The following ZBTB24 variants were observed in gnomAD, a reference collection of about 807,000 sequenced individuals.
ZBTB24 encodes zinc finger and BTB domain-containing protein 24.
Under a neutral mutation model 53.8 loss-of-function variants are expected in ZBTB24, and 32 were observed. The observed-to-expected ratio is 0.60, with a 90% CI of 0.45 to 0.80. The LOEUF is 0.80. Among genes scored for constraint, ZBTB24 ranks in the 30% least tolerant of loss-of-function variants. ZBTB24 has a pLI of 0.00. For synonymous variants in ZBTB24, 297 were observed against 306.7 expected (o/e 0.97, Z 0.33); for missense variants, 722 against 837.1 (o/e 0.86, Z 1.70).
At chr6:109,473,481 T>C in intron 5 of ZBTB24, among the ~76,000 whole-genome samples, 1 of 152,174 alleles carries the variant, frequency 6.6e-6, no homozygotes, top group East Asian at 1.9e-4. Context: ...AGATGCCACC[T>C]CATCTGTGAG....
intron 5 of ZBTB24, among the ~76,000 whole-genome samples, chr6:109,469,464 T>C (rs905548543): frequency 2.6e-5 from 4 of 152,164 alleles, no homozygotes; most frequent in Non-Finnish European, 5.9e-5. Flanking sequence ...GTGGAAGCTC[T>C]TTGAGGGAGT....
rs1264153973 is a variant in ZBTB24 at position 109,463,740 on chromosome 6, AAG to A, written c.*2109_*2110del. 2.0e-5 allele frequency: 3 copies of A among 152,368 alleles called. No homozygotes were observed. Among genetic ancestry groups the A allele is most frequent in the South Asian group, 2.1e-4 (1 of 4,830 alleles). 9.4% of individuals were successfully genotyped at this position (152,368 alleles called of 1,614,324 possible). A position where few individuals can be genotyped will look rare whatever the true frequency, so the allele number is the denominator to read the frequency against. On this transcript the variant is annotated 3_prime_UTR_variant, in exon 7 of 7. Coordinates refer to ENST00000230122, the MANE Select transcript of ZBTB24 (RefSeq NM_014797.3). ...CAGATTTCGAAAGCTTAGTATGAAA[AAG>A]AGAATGTAAAATGTCTCACTAATAT... is the stretch of plus-strand genomic sequence containing the variant.
chr6:109,467,339 A>T (rs773596708), intron 6 of ZBTB24, among the ~76,000 whole-genome samples: 1 of 152,136 alleles, frequency 6.6e-6, no homozygotes, highest in Non-Finnish European at 1.5e-5. Flanking sequence ...CCTGGTCAAC[A>T]TGGTGAAATC....
chr6:109,468,362 C>T lies in ZBTB24; in HGVS notation c.1289-628G>A, dbSNP rs115746600. ...CAAATGTTCTGATGATTTCCCACCC[C>T]AGGATAAAACCCAAAGTTCTTGCCC... is the stretch of plus-strand genomic sequence containing the variant. On this transcript the variant is annotated intron_variant, in intron 5 of 6. Transcript: ENST00000230122. Among the ~76,000 whole-genome samples the T allele has an allele frequency of 7.6e-3, 1,151 of 152,076 alleles. 13 individuals are homozygous for T. The highest frequency in any genetic ancestry group is 0.026 in the African/African-American group (1,060 of 41,464).
chr6:109,474,804 T>G (rs1439737487), intron 5 of ZBTB24, among the ~76,000 whole-genome samples: 1 of 151,426 alleles, frequency 6.6e-6, no homozygotes, highest in African/African-American at 2.4e-5. Context: ...TTTGGGAGGC[T>G]CAGACAGGAA....
At position 109,475,377 on chromosome 6, in the gene ZBTB24, G is replaced by A. The variant is rs1776257961; in HGVS notation, c.1288+22C>T. 5 of 1,613,690 alleles carry A rather than the reference G, an allele frequency of 3.1e-6. No individual in the cohort carries two copies. The East Asian group carries it at 1.1e-4, about 36-fold the overall frequency. On this transcript the variant is annotated intron_variant, in intron 5 of 6. Transcript: ENST00000230122. ...CTGAAAACATCCCGTGTACTGGGGG[G>A]ACAGACGAGATGGAGTTTTACCTGT...
At chr6:109,469,058 T>C (rs1206891985) in intron 5 of ZBTB24, among the ~76,000 whole-genome samples, 2 of 151,848 alleles carry the variant, frequency 1.3e-5, no homozygotes, top group Admixed American at 6.6e-5. Flanking sequence ...TACTGGAAAA[T>C]TCAGGCAAGA....
intron 5 of ZBTB24, 42 bp from the exon 6 acceptor site, chr6:109,467,776 AAACATTT>A (rs964644842): frequency 6.2e-7 from 1 of 1,601,516 alleles, no homozygotes; most frequent in African/African-American, 1.3e-5. Context: ...CAAAACAAAA[AAACATTT>A]AACAATATAC....
At chr6:109,477,009 A>G in intron 2 of ZBTB24, 79 bp from the exon 3 acceptor site, 2 of 1,549,924 alleles carry the variant, frequency 1.3e-6, no homozygotes, top group South Asian at 2.4e-5. Context: ...AAAAAACAAT[A>G]AAGGATTTTT....
chr6:109,476,988 C>T (rs1414430430), intron 2 of ZBTB24, 58 bp from the exon 3 acceptor site: 4 of 1,587,566 alleles, frequency 2.5e-6, no homozygotes, highest in Non-Finnish European at 3.4e-6. Context: ...TTTTCTGTCT[C>T]TCCCAAATTA....
At chr6:109,472,947 T>C (rs1776196503) in intron 5 of ZBTB24, among the ~76,000 whole-genome samples, 1 of 152,146 alleles carries the variant, frequency 6.6e-6, no homozygotes, top group Non-Finnish European at 1.5e-5. Context: ...GCCCCACTAC[T>C]GCACAGCCTC....
At chr6:109,471,474 G>C (rs1055717345) in intron 5 of ZBTB24, among the ~76,000 whole-genome samples, 2 of 152,254 alleles carry the variant, frequency 1.3e-5, no homozygotes, top group African/African-American at 2.4e-5. Context: ...ATGAGGCTGT[G>C]AACAGAACTG....
At chr6:109,474,349 G>GT (rs1393898683) in intron 5 of ZBTB24, among the ~76,000 whole-genome samples, 1 of 152,132 alleles carries the variant, frequency 6.6e-6, no homozygotes, top group African/African-American at 2.4e-5. Context: ...TGCTGCTTAA[G>GT]TTTAAGTGTT....
Position 109,481,510 on chromosome 6 carries a change from C to T in ZBTB24, c.517G>A (p.Glu173Lys). 1 of 1,614,240 alleles carries T rather than the reference C, an allele frequency of 6.2e-7. No individual in the cohort carries two copies. Among genetic ancestry groups the T allele is most frequent in the Admixed American group, 1.7e-5 (1 of 60,030 alleles). ...TCTGCAGCCAGTTCTGATTTCTCCTCCTGCAATGTATTGACTTTTTTTGGT... is the reference window on the plus strand; with the variant it reads ...TCTGCAGCCAGTTCTGATTTCTCCTTCTGCAATGTATTGACTTTTTTTGGT... ...GRPKKVNTLQEEKSELAAEEE... is the reference protein window; with the variant it reads ...GRPKKVNTLQKEKSELAAEEE... The change falls in exon 2 of 7, where the codon GAG becomes AAG. Residue 173 changes from glutamate (E) to lysine (K), a missense_variant. Glu to Lys is a moderately conservative substitution (Grantham distance 56). Transcript: ENST00000230122.
In ZBTB24 at chr6:109,481,583, A is replaced by C. The variant is rs1217820174; in HGVS notation, c.444T>G (p.Val148=). 2.5e-6 allele frequency: 4 copies of C among 1,614,244 alleles called. No individual in the cohort carries two copies. The Admixed American group carries it at 5.0e-5, about 20-fold the overall frequency. ...TTLNTAGAPV[V]VISNKKNDPP... is the part of the protein sequence containing the mutation. ...GATCGTTTTTCTTATTAGAGATAAC[A>C]ACCACTGGGGCACCAGCAGTGTTCA... is the stretch of plus-strand genomic sequence containing the variant. The change falls in exon 2 of 7, where the codon GTT becomes GTG. Residue 148 remains valine, a synonymous_variant. Transcript: ENST00000230122.
chr6:109,475,549 T>C, intron 4 of ZBTB24, 67 bp from the exon 5 acceptor site: 22 of 1,562,884 alleles, frequency 1.4e-5, no homozygotes, highest in Non-Finnish European at 1.8e-5. Context: ...CAGTGATTTG[T>C]GTTAAAGCAC....
chr6:109,478,784 G>A (rs1220477536), intron 2 of ZBTB24, among the ~76,000 whole-genome samples: 1 of 151,378 alleles, frequency 6.6e-6, no homozygotes, highest in Non-Finnish European at 1.5e-5. Flanking sequence ...AAAAACACCA[G>A]GCACTCAAGG....
intron 5 of ZBTB24, among the ~76,000 whole-genome samples, chr6:109,473,243 G>A (rs1353246981): frequency 6.6e-6 from 1 of 152,072 alleles, no homozygotes; most frequent in African/African-American, 2.4e-5. Context: ...CTTCCCAGGT[G>A]GTAAAAAGCA....
At position 109,466,561 on chromosome 6, in the gene ZBTB24, A is replaced by T; in HGVS notation, c.1384T>A (p.Tyr462Asn). ...GATTTGCCACAAATGCCACAGGAGT[A>T]TGGCTTTTCTCCTCTGTAAGAAAAT... is the stretch of plus-strand genomic sequence containing the variant. ...HIRIHRGEKP[Y>N]SCGICGKSFS... Residue 462 changes from tyrosine to asparagine, a missense_variant, in exon 7 of 7, where the codon TAC becomes AAC. Physicochemically the swap from Tyr to Asn is moderately radical, Grantham distance 143 (BLOSUM62 -2). Transcript: ENST00000230122. The T allele has an allele frequency of 1.9e-6, 3 of 1,612,174 alleles. No individual in the cohort carries two copies. Among genetic ancestry groups the T allele is most frequent in the Non-Finnish European group, 2.5e-6 (3 of 1,180,036 alleles).
Sources: allele counts gnomAD v4.1 joint callset (sites outside exome capture counted in the v4.1 genomes callset), GRCh38; gene constraint gnomAD v4.1.1; transcripts MANE v1.5; gene names NCBI Gene and HGNC (gene_info 2026-07-23, HGNC 2026-07-21).